Variants in TECR observed in about 807,000 individuals in gnomAD.
TECR encodes very-long-chain enoyl-CoA reductase.
A neutral mutation model predicts 50.6 loss-of-function variants in TECR; 19 were observed. The ratio of observed to expected loss-of-function variants is 0.38; its 90% CI spans 0.26 to 0.55. The LOEUF (loss-of-function observed/expected upper bound fraction) is 0.55. Ranked by LOEUF, TECR falls within the 20% of genes least tolerant of loss-of-function variation. TECR has a pLI of 0.79. For missense variants in TECR, 313 were observed against 408.3 expected, an observed-to-expected ratio of 0.77 and a Z score of 2.01; for synonymous variants, 168 against 163.5, an observed-to-expected ratio of 1.03 and a Z score of -0.21.
In TECR at chr19:14,563,095, C is replaced by T. The variant is rs540392987; in HGVS notation, c.67-111C>T. On this transcript the variant is annotated intron_variant, in intron 2 of 12. Transcript: ENST00000215567. The surrounding 1 kb of genome is among the most constrained non-coding windows in gnomAD (Gnocchi z 5.3). ...AGAGGCCTGGACCCCAGCCCTTCCC[C>T]CTTCCCATAGCTACAGCCCAACCCC... The T allele has an allele frequency of 1.4e-5, 20 of 1,398,516 alleles. No homozygotes were observed. The South Asian group carries it at 1.9e-4, about 13-fold the overall frequency. The allele number at this position is 1,398,516 out of a possible 1,614,324, so 86.6% of individuals were successfully genotyped here.
chr19:14,547,685 G>A (rs1169180437), intron 1 of TECR, among the ~76,000 whole-genome samples: 1 of 150,088 alleles, frequency 6.7e-6, no homozygotes, highest in African/African-American at 2.5e-5. Context: ...TTGAGTCAGG[G>A]TCTCATTCTG....
intron 1 of TECR, among the ~76,000 whole-genome samples, chr19:14,537,312 A>G (rs1308512237): frequency 6.6e-6 from 1 of 151,006 alleles, no homozygotes; most frequent in Non-Finnish European, 1.5e-5. Context: ...GGGACCGAGT[A>G]ACAAGAAGGT....
At chr19:14,531,154 C>A (rs2072637701) in intron 1 of TECR, 1 of 152,104 alleles carries the variant, frequency 6.6e-6, no homozygotes, top group Non-Finnish European at 1.5e-5. Flanking sequence ...CCTGCCTCAG[C>A]CTCCTGAATA....
chr19:14,552,832 G>C (rs1043510423), intron 1 of TECR, among the ~76,000 whole-genome samples: 2 of 152,168 alleles, frequency 1.3e-5, no homozygotes, highest in African/African-American at 4.8e-5. Context: ...CACTGCGCCC[G>C]GCCCAGTCTT....
At chr19:14,532,696 G>A (rs10408321) in intron 1 of TECR, among the ~76,000 whole-genome samples, 5,467 of 152,100 alleles carry the variant, frequency 0.036, 225 homozygotes, top group African/African-American at 0.095. Context: ...CCGGCCCAGC[G>A]GATTGCATAG....
chr19:14,563,070 AG>A lies in TECR; in HGVS notation c.67-135del. The A allele has an allele frequency of 9.1e-7, 1 of 1,094,680 alleles. No homozygotes were observed. Among genetic ancestry groups the A allele is most frequent in the East Asian group, 2.6e-5 (1 of 39,202 alleles). The allele number at this position is 1,094,680 out of a possible 1,614,324, so 67.8% of individuals were successfully genotyped here. On this transcript the variant is annotated intron_variant, in intron 2 of 12. Transcript: ENST00000215567. The surrounding 1 kb of genome is among the most constrained non-coding windows in gnomAD (Gnocchi z 5.3). ...CGGTGGTCCTTCCCTGACTGCAGGCAGAGGCCTGGACCCCAGCCCTTCCCCC... is the reference window on the plus strand; with the variant it reads ...CGGTGGTCCTTCCCTGACTGCAGGCAAGGCCTGGACCCCAGCCCTTCCCCC...
chr19:14,545,187 C>T (rs1346421681), intron 1 of TECR: 1 of 456,654 alleles, frequency 2.2e-6, no homozygotes, highest in African/African-American at 2.0e-5. Flanking sequence ...AAGGGTAAAA[C>T]CTAAAGCACT....
Position 14,564,779 on chromosome 19 carries a change from C to T in TECR, c.490-7C>T, listed in dbSNP as rs778677250. On this transcript the variant is annotated splice_region_variant and splice_polypyrimidine_tract_variant and intron_variant, in intron 7 of 12. Coordinates refer to ENST00000215567, the MANE Select transcript of TECR (RefSeq NM_138501.6). ...CCAAGTCCCATCCCTGCCCTGCTCC[C>T]TTTCAGAACTGCACCTACTACTGGG... 4 of 1,613,264 alleles carry T rather than the reference C, an allele frequency of 2.5e-6. No homozygotes were observed. The highest frequency in any genetic ancestry group is 3.4e-6 in the Non-Finnish European group (4 of 1,179,650).
chr19:14,539,295 C>T (rs1450176057), intron 1 of TECR, among the ~76,000 whole-genome samples: 1 of 151,904 alleles, frequency 6.6e-6, no homozygotes, highest in Non-Finnish European at 1.5e-5. Context: ...CACCTGGCTG[C>T]AAGTCACATT....
At chr19:14,554,270 A>G (rs2073641491) in intron 1 of TECR, among the ~76,000 whole-genome samples, 1 of 152,146 alleles carries the variant, frequency 6.6e-6, no homozygotes, top group Non-Finnish European at 1.5e-5. Context: ...GGAACGTGAA[A>G]TAACTGTTGG....
At chr19:14,557,937 AG>A (rs1271837359) in intron 1 of TECR, among the ~76,000 whole-genome samples, 1 of 150,106 alleles carries the variant, frequency 6.7e-6, no homozygotes, top group Admixed American at 6.7e-5. Flanking sequence ...TTGTATTTTT[AG>A]TAGAGATGGG....
intron 1 of TECR, among the ~76,000 whole-genome samples, chr19:14,556,408 CA>C (rs1555735939): frequency 5.9e-5 from 3 of 50,884 alleles, no homozygotes; most frequent in East Asian, 6.8e-4. Context: ...GAGACTCTCT[CA>C]AAAAAAAAAC....
At chr19:14,531,939 GT>G (rs2072683419) in intron 1 of TECR, 2 of 150,492 alleles carry the variant, frequency 1.3e-5, no homozygotes, top group South Asian at 2.1e-4. Context: ...AGCCCAGGAG[GT>G]TGAGGCTGCA....
intron 1 of TECR, among the ~76,000 whole-genome samples, chr19:14,541,620 G>A (rs1269274235): frequency 1.3e-5 from 2 of 152,112 alleles, no homozygotes; most frequent in Admixed American, 1.3e-4. Flanking sequence ...CCTGAAGGTC[G>A]AGGTCTTTGG....
At chr19:14,565,597 A>G in intron 11 of TECR, 21 bp from the exon 12 acceptor site, 1 of 1,606,762 alleles carries the variant, frequency 6.2e-7, no homozygotes, top group Non-Finnish European at 8.5e-7. Flanking sequence ...GCCCACGCTC[A>G]CTCTCCGCCC....
At chr19:14,536,365 G>A (rs1311538506) in intron 1 of TECR, among the ~76,000 whole-genome samples, 1 of 151,694 alleles carries the variant, frequency 6.6e-6, no homozygotes, top group Non-Finnish European at 1.5e-5. Flanking sequence ...TGCCTCCTGG[G>A]TTCAAGCGAT....
chr19:14,555,438 C>CT (rs747503834), intron 1 of TECR, among the ~76,000 whole-genome samples: 1,310 of 92,862 alleles, frequency 0.014, 76 homozygotes, highest in Non-Finnish European at 0.019. Context: ...TTTATTTATT[C>CT]TTTTTTTTTT....
At chr19:14,553,775 T>C (rs2073622734) in intron 1 of TECR, among the ~76,000 whole-genome samples, 1 of 152,108 alleles carries the variant, frequency 6.6e-6, no homozygotes, top group African/African-American at 2.4e-5. Context: ...CCGACCTCTA[T>C]GCTGGGCATT....
At chr19:14,562,648 C>T in intron 2 of TECR, 73 bp downstream of exon 2, 14 of 1,564,566 alleles carry the variant, frequency 8.9e-6, no homozygotes, top group Non-Finnish European at 1.2e-5. Context: ...AGCCCAGGAG[C>T]TGTCCAGTGG....
Sources: allele counts gnomAD v4.1 joint callset (sites outside exome capture counted in the v4.1 genomes callset), GRCh38; gene constraint gnomAD v4.1.1; non-coding constraint Gnocchi (gnomAD v3.1); transcripts MANE v1.5; gene names NCBI Gene and HGNC (gene_info 2026-07-23, HGNC 2026-07-21).